The following ANO1 variants were observed in gnomAD, a reference collection of about 807,000 sequenced individuals.
ANO1 encodes anoctamin-1.
In ANO1, 59 loss-of-function variants were observed where a neutral mutation model predicts 124.0. The observed-to-expected ratio is 0.48, with a 90% CI of 0.39 to 0.59. The LOEUF (loss-of-function observed/expected upper bound fraction) is 0.59. Ranked by LOEUF, ANO1 falls within the 20% of genes least tolerant of loss-of-function variation. The probability of loss-of-function intolerance (pLI) is 0.00; values close to 1 mark genes in which losing one functional copy is unlikely to be tolerated. For missense variants in ANO1, 1,059 were observed against 1,328.0 expected (o/e 0.80, Z 3.15); for synonymous variants, 529 against 532.0 (o/e 0.99, Z 0.08).
chr11:70,038,859 G>A (rs1857136497), intron 1 of ANO1, among the ~76,000 whole-genome samples: 1 of 152,162 alleles, frequency 6.6e-6, no homozygotes, highest in Non-Finnish European at 1.5e-5. Flanking sequence ...TGAGTGAATG[G>A]TTTCAGTTAA....
At chr11:70,072,897 G>C (rs988154729) in intron 1 of ANO1, 1 of 152,314 alleles carries the variant, frequency 6.6e-6, no homozygotes, top group Non-Finnish European at 1.5e-5. Context: ...CAGAGGACAG[G>C]AGGACCAGGA....
At chr11:70,009,074 T>G (rs1237151832) in intron 1 of ANO1, among the ~76,000 whole-genome samples, 1 of 152,234 alleles carries the variant, frequency 6.6e-6, no homozygotes, top group Non-Finnish European at 1.5e-5. Context: ...CCACAGACAT[T>G]TCCCGCATTC....
At chr11:70,076,790 C>G (rs900363048), upstream of ANO1, among the ~76,000 whole-genome samples, 3 of 152,198 alleles carry the variant, frequency 2.0e-5, no homozygotes, top group Admixed American at 2.0e-4. Flanking sequence ...CTTCCTGCAC[C>G]GCCCCAAGTT....
chr11:69,991,975 G>A (rs1332783754), intron 1 of ANO1, among the ~76,000 whole-genome samples: 7 of 152,304 alleles, frequency 4.6e-5, no homozygotes, highest in African/African-American at 1.7e-4. Context: ...ACTTCTCTTA[G>A]AGCATGCAGC....
At position 70,004,248 on chromosome 11, in the gene ANO1, T is replaced by C. The variant is rs1856441509; in HGVS notation, c.58+18082T>C. ...CATCTGGTCTGTGCTAGACGTGAGCTTTAGAGTAGTGAGATGTAGTCCAGA... is the reference window on the plus strand; with the variant it reads ...CATCTGGTCTGTGCTAGACGTGAGCCTTAGAGTAGTGAGATGTAGTCCAGA... On this transcript the variant is annotated intron_variant, in intron 1 of 27. Transcript: ENST00000531349. Among the ~76,000 whole-genome samples the C allele has an allele frequency of 2.6e-5, 4 of 152,042 alleles. 1 individual carries two copies.
chr11:70,175,738 G>C (rs1300837344), intron 22 of ANO1, among the ~76,000 whole-genome samples: 1 of 152,206 alleles, frequency 6.6e-6, no homozygotes, highest in Admixed American at 6.5e-5. Flanking sequence ...TTCTGTTCCA[G>C]AAAATGGCGC....
chr11:70,165,567 TC>T lies in ANO1; in HGVS notation c.2051del (p.Pro684ArgfsTer3). On this transcript the variant is annotated frameshift_variant and splice_region_variant, in exon 20 of 26. Coordinates refer to ENST00000355303, the MANE Select transcript of ANO1 (RefSeq NM_018043.7). LOFTEE classifies it high-confidence loss of function. ...CAGAACAACCTGTTCGAGATCGGCA[TC>T]CCGTGAGTGTGCTGCAGCGGGTTAG... is the stretch of plus-strand genomic sequence containing the variant. ...LIQNNLFEIG[I>X]PKMKKLIRYL... The T allele has an allele frequency of 6.2e-7, 1 of 1,609,964 alleles. No homozygotes were observed. Among genetic ancestry groups the T allele is most frequent in the Non-Finnish European group, 8.5e-7 (1 of 1,178,182 alleles).
intron 2 of ANO1, among the ~76,000 whole-genome samples, chr11:70,092,348 C>T (rs1023779549): frequency 5.3e-5 from 8 of 152,238 alleles, no homozygotes; most frequent in Non-Finnish European, 1.0e-4. Context: ...GGACACCACT[C>T]AGCCCACTCC....
rs145607238 is a variant in ANO1, at chr11:70,093,567, T to G, written c.441+5483T>G. On this transcript the variant is annotated intron_variant, in intron 2 of 25. Coordinates refer to ENST00000355303, the MANE Select transcript of ANO1 (RefSeq NM_018043.7). ...GGCTGAGGCCCACACTGCCCTGATGTTGAACCTGACCCAGGCTTTGGTAGA... is the reference window on the plus strand; with the variant it reads ...GGCTGAGGCCCACACTGCCCTGATGGTGAACCTGACCCAGGCTTTGGTAGA... Among the ~76,000 whole-genome samples, 867 of 152,266 alleles carry G rather than the reference T, an allele frequency of 5.7e-3. 7 individuals are homozygous for G. The highest frequency in any genetic ancestry group is 0.019 in the African/African-American group (790 of 41,554).
intron 8 of ANO1, among the ~76,000 whole-genome samples, chr11:70,119,899 G>A (rs1452340611): frequency 6.6e-6 from 1 of 152,040 alleles, no homozygotes; most frequent in Admixed American, 6.6e-5. Flanking sequence ...TGATGGGTGG[G>A]TAGATGGATG....
At chr11:70,118,792 A>T (rs957380935) in intron 8 of ANO1, among the ~76,000 whole-genome samples, 2 of 151,108 alleles carry the variant, frequency 1.3e-5, no homozygotes, top group Non-Finnish European at 3.0e-5. Context: ...GGGTGGATGG[A>T]TGAATGGATG....
At chr11:70,034,531 C>T (rs1479513848) in intron 1 of ANO1, among the ~76,000 whole-genome samples, 5 of 152,202 alleles carry the variant, frequency 3.3e-5, no homozygotes, top group African/African-American at 1.2e-4. Flanking sequence ...AATTATTCAT[C>T]TAGAAGAGAA....
At chr11:70,086,793 C>T (rs1031454707) in intron 1 of ANO1, among the ~76,000 whole-genome samples, 13 of 152,196 alleles carry the variant, frequency 8.5e-5, no homozygotes. Flanking sequence ...CTTAACCCAC[C>T]CCTGTCAGCC....
chr11:70,150,001 C>G (rs901053172), intron 12 of ANO1: 3 of 674,776 alleles, frequency 4.4e-6, no homozygotes, highest in Non-Finnish European at 8.1e-6. Flanking sequence ...AGTGACCACT[C>G]CCTGTCTGCT....
At chr11:70,117,007 C>T (rs2046000048) in intron 8 of ANO1, among the ~76,000 whole-genome samples, 1 of 152,018 alleles carries the variant, frequency 6.6e-6, no homozygotes, top group South Asian at 2.1e-4. Flanking sequence ...GACCTGGAAC[C>T]CTTTTAATGG....
intron 22 of ANO1, among the ~76,000 whole-genome samples, chr11:70,176,869 C>A (rs1375335357): frequency 1.3e-5 from 2 of 152,192 alleles, no homozygotes; most frequent in African/African-American, 4.8e-5. Context: ...CAGAATAACT[C>A]GGGGCTCCCA....
intron 11 of ANO1, among the ~76,000 whole-genome samples, chr11:70,140,666 A>G (rs1282634654): frequency 6.6e-6 from 1 of 152,212 alleles, no homozygotes. Context: ...TGTAGAGGAT[A>G]ACAAAGAAAA....
chr11:70,022,086 T>C (rs1231626189), intron 1 of ANO1, among the ~76,000 whole-genome samples: 3 of 152,172 alleles, frequency 2.0e-5, no homozygotes, highest in Admixed American at 1.3e-4. Context: ...ACATCTCACG[T>C]TGGGCAGAAA....
chr11:70,104,208 T>A, intron 4 of ANO1, 58 bp downstream of exon 4: 1 of 1,524,090 alleles, frequency 6.6e-7, no homozygotes, highest in East Asian at 2.3e-5. Context: ...GATTTAACCT[T>A]CTAGCATGAG....
Sources: allele counts gnomAD v4.1 joint callset (sites outside exome capture counted in the v4.1 genomes callset), GRCh38; gene constraint gnomAD v4.1.1; transcripts MANE v1.5; gene names NCBI Gene and HGNC (gene_info 2026-07-23, HGNC 2026-07-21).